CCDC7: variants seen among roughly 807,000 people sequenced by gnomAD.
CCDC7 encodes coiled-coil domain-containing protein 7.
In CCDC7, 183 loss-of-function variants were observed where a neutral mutation model predicts 196.9. That is an observed-to-expected ratio of 0.93 (90% CI 0.82 to 1.05). The LOEUF is 1.05. Among genes scored for constraint, CCDC7 ranks in the 50% least tolerant of loss-of-function variants. The probability of loss-of-function intolerance (pLI) is 0.00; values close to 1 mark genes in which losing one functional copy is unlikely to be tolerated. For synonymous variants in CCDC7, 525 were observed against 484.6 expected, an observed-to-expected ratio of 1.08 and a Z score of -1.10; for missense variants, 1,540 against 1,482.2, an observed-to-expected ratio of 1.04 and a Z score of -0.64.
Position 32,702,612 on chromosome 10 carries a change from C to T in CCDC7, c.2458+7620C>T, listed in dbSNP as rs555207255. ...GTCTCGTTGATCTGTCTAATGTTGA[C>T]AGTGGGGTGTTAAAGTCTCCCATTA... On this transcript the variant is annotated intron_variant, in intron 24 of 41. Coordinates refer to ENST00000639629, the Ensembl canonical transcript of CCDC7. 4.6e-5 allele frequency among the ~76,000 whole-genome samples: 7 copies of T among 152,198 alleles called. No individual in the cohort carries two copies. The South Asian group carries it at 1.5e-3, about 32-fold the overall frequency.
At chr10:32,501,068 GTTTC>G in intron 9 of CCDC7, among the ~76,000 whole-genome samples, 1 of 151,624 alleles carries the variant, frequency 6.6e-6, no homozygotes. Context: ...AGGGAGAGGT[GTTTC>G]TTTCTTTTCA....
intron 24 of CCDC7, among the ~76,000 whole-genome samples, chr10:32,705,058 C>T (rs1620702): frequency 0.34 from 52,414 of 152,012 alleles, 11,653 homozygotes; most frequent in Non-Finnish European, 0.5. Flanking sequence ...GAGATGAACC[C>T]GGCACCTCAG....
intron 28 of CCDC7, among the ~76,000 whole-genome samples, chr10:32,751,632 G>A (rs894525035): frequency 2.6e-5 from 4 of 152,160 alleles, no homozygotes; most frequent in Non-Finnish European, 5.9e-5. Context: ...ATGATATCCT[G>A]TAAATCAAGA....
At chr10:32,518,183 G>C (rs78569998) in intron 10 of CCDC7, among the ~76,000 whole-genome samples, 5,895 of 152,166 alleles carry the variant, frequency 0.039, 120 homozygotes, top group Middle Eastern at 0.051. Flanking sequence ...CTTCACTTCT[G>C]AAATACTAAA....
chr10:32,834,298 C>A (rs1283481643), intron 32 of CCDC7, among the ~76,000 whole-genome samples: 1 of 152,088 alleles, frequency 6.6e-6, no homozygotes, highest in Admixed American at 6.6e-5. Flanking sequence ...CAGAGAATTT[C>A]TCCCTGATGG....
At chr10:32,588,007 A>G (rs1346504591) in intron 18 of CCDC7, among the ~76,000 whole-genome samples, 1 of 152,184 alleles carries the variant, frequency 6.6e-6, no homozygotes, top group African/African-American at 2.4e-5. Flanking sequence ...TAATCCATTC[A>G]TAGATTAATG....
At chr10:32,507,416 C>G (rs567660221) in intron 9 of CCDC7, among the ~76,000 whole-genome samples, 54 of 152,176 alleles carry the variant, frequency 3.5e-4, no homozygotes, top group African/African-American at 1.1e-3. Context: ...CTTAAATATA[C>G]ATTCAAAGTA....
At chr10:32,523,559 A>C (rs1339764694) in intron 11 of CCDC7, among the ~76,000 whole-genome samples, 1 of 151,990 alleles carries the variant, frequency 6.6e-6, no homozygotes, top group Non-Finnish European at 1.5e-5. Flanking sequence ...CAAAAAAAAA[A>C]AAAACCGTAG....
chr10:32,660,362 G>A (rs1472624673), intron 20 of CCDC7, among the ~76,000 whole-genome samples: 4 of 139,078 alleles, frequency 2.9e-5, no homozygotes, highest in Admixed American at 7.5e-5. Flanking sequence ...ACCTATGAGT[G>A]AGAATATGTG....
At chr10:32,759,633 T>TA (rs2077092319) in intron 28 of CCDC7, among the ~76,000 whole-genome samples, 1 of 152,150 alleles carries the variant, frequency 6.6e-6, no homozygotes. Flanking sequence ...CCTAATACCA[T>TA]AAAAACCCTA....
rs1554928406 is a variant in CCDC7 at position 32,633,752 on chromosome 10, G to GTGTA, written c.1802-501_1802-500insGTAT. On this transcript the variant is annotated intron_variant, in intron 18 of 41. Coordinates refer to ENST00000639629, the Ensembl canonical transcript of CCDC7. ...TGTGTATATATATGTGTGTGTGTGT[G>GTGTA]TATATATATATGTTTTGGAATTGTG... Among the ~76,000 whole-genome samples the GTGTA allele has an allele frequency of 5.4e-5, 8 of 149,196 alleles. No homozygotes were observed. In the South Asian group the frequency reaches 6.4e-4, roughly 12 times the overall value.
intron 41 of CCDC7, among the ~76,000 whole-genome samples, chr10:32,873,535 C>T (rs1169392082): frequency 1.3e-5 from 2 of 151,896 alleles, no homozygotes; most frequent in African/African-American, 4.8e-5. Context: ...TCTCTCAACT[C>T]GTCAAAGTCA....
intron 18 of CCDC7, among the ~76,000 whole-genome samples, chr10:32,617,899 T>G (rs751966395): frequency 2.6e-5 from 4 of 151,982 alleles, no homozygotes; most frequent in Non-Finnish European, 5.9e-5. Context: ...CCTCTATTAT[T>G]GTATTGCTAG....
chr10:32,647,662 G>C (rs950792450), intron 20 of CCDC7, among the ~76,000 whole-genome samples: 6 of 151,964 alleles, frequency 3.9e-5, no homozygotes, highest in African/African-American at 1.5e-4. Flanking sequence ...CATGTCTGTT[G>C]CCCATTTTCA....
intron 23 of CCDC7, 90 bp from the exon 25 acceptor site, chr10:32,694,789 A>G (rs1341925908): frequency 1.5e-6 from 1 of 667,278 alleles, no homozygotes; most frequent in Admixed American, 3.3e-5. Context: ...AAATGAGAAA[A>G]TTTTGCTACA....
At chr10:32,802,340 T>C (rs2084963173) in intron 29 of CCDC7, among the ~76,000 whole-genome samples, 1 of 152,180 alleles carries the variant, frequency 6.6e-6, no homozygotes, top group Non-Finnish European at 1.5e-5. Context: ...GAGTATCAAA[T>C]GCATTTATTT....
intron 29 of CCDC7, among the ~76,000 whole-genome samples, chr10:32,792,888 A>G (rs922631902): frequency 4.6e-5 from 7 of 152,236 alleles, no homozygotes; most frequent in African/African-American, 1.7e-4. Flanking sequence ...ACTACAAAAA[A>G]TATTAAATCA....
intron 24 of CCDC7, among the ~76,000 whole-genome samples, chr10:32,707,964 A>T (rs1310212361): frequency 2.0e-5 from 3 of 152,166 alleles, no homozygotes; most frequent in African/African-American, 7.2e-5. Context: ...AGAATTGGAA[A>T]AAACTACTTT....
rs184836686 is a variant in CCDC7 at position 32,487,961 on chromosome 10, G to A, written c.797-3961G>A. On this transcript the variant is annotated intron_variant, in intron 8 of 41. Coordinates refer to ENST00000639629, the Ensembl canonical transcript of CCDC7. The stretch of plus-strand genomic sequence containing the variant: ...ACCCACTTGAGGAGGCAGTCTGTCC[G>A]TTCTCAGATCTCCAGCTGCGTGCTG... 8.6e-3 allele frequency among the ~76,000 whole-genome samples: 1,310 copies of A among 152,302 alleles called. 27 individuals carry two copies. Among genetic ancestry groups the A allele is most frequent in the African/African-American group, 0.029 (1,206 of 41,562 alleles).
Sources: gnomAD v4.1 joint callset for allele counts (sites outside exome capture counted in the v4.1 genomes callset) on GRCh38, gnomAD v4.1.1 for gene constraint, MANE v1.5 for transcripts, NCBI Gene and HGNC (gene_info 2026-07-23, HGNC 2026-07-21) for gene names.